The following SLC25A21 variants were observed in gnomAD, a reference collection of about 807,000 sequenced individuals.
SLC25A21 encodes solute carrier family 25 member 21, also known as mitochondrial 2-oxodicarboxylate carrier.
Under a neutral mutation model 43.8 loss-of-function variants are expected in SLC25A21, and 47 were observed. The ratio of observed to expected loss-of-function variants is 1.07; its 90% CI spans 0.85 to 1.37. SLC25A21 has a LOEUF of 1.37. SLC25A21 is among the 40% of genes most tolerant of loss of function. The probability of loss-of-function intolerance (pLI) is 0.00; values close to 1 mark genes in which losing one functional copy is unlikely to be tolerated. For missense variants in SLC25A21, 352 were observed against 350.2 expected (o/e 1.00, Z -0.04); for synonymous variants, 131 against 121.3 (o/e 1.08, Z -0.52).
At chr14:37,089,381 A>C (rs1962542472) in intron 1 of SLC25A21, among the ~76,000 whole-genome samples, 1 of 152,176 alleles carries the variant, frequency 6.6e-6, no homozygotes, top group Admixed American at 6.5e-5. Flanking sequence ...TTACATCCTA[A>C]GTTTAAGACC....
chr14:36,805,541 A>G (rs538129970), intron 3 of SLC25A21, among the ~76,000 whole-genome samples: 2 of 152,298 alleles, frequency 1.3e-5, no homozygotes, highest in Non-Finnish European at 2.9e-5. Flanking sequence ...AACCCAGTAC[A>G]GCTTCTGCCA....
intron 1 of SLC25A21, among the ~76,000 whole-genome samples, chr14:36,891,101 C>G (rs1177461702): frequency 6.6e-6 from 1 of 152,078 alleles, no homozygotes; most frequent in East Asian, 1.9e-4. Context: ...GAATGAAAAA[C>G]CTATTTTAAA....
At chr14:37,034,238 G>C (rs772586659) in intron 1 of SLC25A21, among the ~76,000 whole-genome samples, 13 of 151,982 alleles carry the variant, frequency 8.6e-5, no homozygotes, top group Non-Finnish European at 1.9e-4. Flanking sequence ...GGCTTGTCTC[G>C]AATTCCTGAC....
chr14:36,710,568 T>C (rs1883812702), intron 7 of SLC25A21, among the ~76,000 whole-genome samples: 1 of 151,992 alleles, frequency 6.6e-6, no homozygotes, highest in Non-Finnish European at 1.5e-5. Context: ...GTAGCTTCAC[T>C]ATAAGTGCAC....
At chr14:37,095,811 C>A (rs558519981) in intron 1 of SLC25A21, among the ~76,000 whole-genome samples, 66 of 32,692 alleles carry the variant, frequency 2.0e-3, no homozygotes, top group South Asian at 8.0e-3. Flanking sequence ...TACACACACA[C>A]GCGCACGCAC....
At chr14:37,151,038 T>C (rs1963750780) in intron 1 of SLC25A21, among the ~76,000 whole-genome samples, 1 of 152,136 alleles carries the variant, frequency 6.6e-6, no homozygotes, top group Non-Finnish European at 1.5e-5. Context: ...TCTCTCTCTC[T>C]TTCTCTTCAT....
chr14:36,995,225 T>A (rs950517920), intron 1 of SLC25A21, among the ~76,000 whole-genome samples: 1 of 152,198 alleles, frequency 6.6e-6, no homozygotes, highest in African/African-American at 2.4e-5. Context: ...AAAAAATAAA[T>A]ATTCCACAAT....
chr14:36,802,673 C>T (rs1887907845), intron 3 of SLC25A21, among the ~76,000 whole-genome samples: 1 of 151,990 alleles, frequency 6.6e-6, no homozygotes, highest in Admixed American at 6.6e-5. Flanking sequence ...AAATTATTTC[C>T]CCTTTGGATG....
chr14:36,776,235 TTTC>T (rs1400094238), intron 3 of SLC25A21, among the ~76,000 whole-genome samples: 33 of 52,392 alleles, frequency 6.3e-4, no homozygotes, highest in Non-Finnish European at 7.7e-4. Flanking sequence ...TCTTTCTTTC[TTTC>T]TTTTTTTTTT....
At chr14:37,038,866 G>A (rs1024966155) in intron 1 of SLC25A21, among the ~76,000 whole-genome samples, 1 of 152,076 alleles carries the variant, frequency 6.6e-6, no homozygotes, top group African/African-American at 2.4e-5. Context: ...AGCCGACCAG[G>A]GTCTCCTAGC....
At chr14:37,160,275 T>C (rs1375323339) in intron 1 of SLC25A21, among the ~76,000 whole-genome samples, 1 of 152,220 alleles carries the variant, frequency 6.6e-6, no homozygotes, top group Non-Finnish European at 1.5e-5. Context: ...TGCATGTTTA[T>C]TGCAGCACTA....
intron 3 of SLC25A21, among the ~76,000 whole-genome samples, chr14:36,774,305 C>A (rs1159096560): frequency 6.6e-6 from 1 of 152,222 alleles, no homozygotes; most frequent in Non-Finnish European, 1.5e-5. Context: ...AGTCAACTAA[C>A]ATGTGCTCTT....
At position 37,129,367 on chromosome 14, in the gene SLC25A21, A is replaced by G. The variant is rs909896500; in HGVS notation, c.70+42914T>C. On this transcript the variant is annotated intron_variant, in intron 1 of 9. Coordinates refer to ENST00000331299, the MANE Select transcript of SLC25A21 (RefSeq NM_030631.4). ...ATTGTCCTTTCTGTTGGCAACTGTT[A>G]TCTTGTGCAGTTCCATTTGTCTGGA... 3.9e-5 allele frequency among the ~76,000 whole-genome samples: 6 copies of G among 152,310 alleles called. No homozygotes were observed. In the East Asian group the frequency reaches 1.2e-3, roughly 29 times the overall value.
intron 1 of SLC25A21, among the ~76,000 whole-genome samples, chr14:36,965,825 G>C (rs1024525586): frequency 1.3e-5 from 2 of 152,020 alleles, no homozygotes; most frequent in African/African-American, 4.8e-5. Context: ...AATATACTTT[G>C]GTTTGAGATA....
intron 1 of SLC25A21, among the ~76,000 whole-genome samples, chr14:37,034,068 G>C (rs1315931362): frequency 6.6e-6 from 1 of 151,876 alleles, no homozygotes; most frequent in African/African-American, 2.4e-5. Context: ...CCAGGCTGGA[G>C]TGCAGTGGCG....
At chr14:37,106,315 T>C (rs1462484489) in intron 1 of SLC25A21, among the ~76,000 whole-genome samples, 3 of 152,242 alleles carry the variant, frequency 2.0e-5, no homozygotes, top group African/African-American at 4.8e-5. Context: ...TATTGCTAAA[T>C]TATTTTCCTA....
chr14:36,904,841 G>A (rs959996640), intron 1 of SLC25A21, among the ~76,000 whole-genome samples: 8 of 152,134 alleles, frequency 5.3e-5, no homozygotes, highest in Non-Finnish European at 1.2e-4. Flanking sequence ...CTGGACATGT[G>A]AAGATTATGG....
chr14:36,794,267 C>T (rs1424264607), intron 3 of SLC25A21, among the ~76,000 whole-genome samples: 1 of 152,024 alleles, frequency 6.6e-6, no homozygotes, highest in Non-Finnish European at 1.5e-5. Context: ...TTTCAGTTCT[C>T]TCCAGGAGTG....
intron 1 of SLC25A21, among the ~76,000 whole-genome samples, chr14:37,116,833 G>A (rs1251637423): frequency 1.3e-5 from 2 of 152,084 alleles, no homozygotes; most frequent in Admixed American, 6.6e-5. Flanking sequence ...TTTTGTATGT[G>A]ATTTAATTGC....
Sources: allele counts gnomAD v4.1 joint callset (sites outside exome capture counted in the v4.1 genomes callset), GRCh38; gene constraint gnomAD v4.1.1; transcripts MANE v1.5; gene names NCBI Gene and HGNC (gene_info 2026-07-23, HGNC 2026-07-21).